Variants in UBXN2B observed in about 807,000 individuals in gnomAD.
UBXN2B encodes UBX domain protein 2B, also known as UBX domain-containing protein 2B.
UBXN2B carries 19 observed loss-of-function variants against 37.5 expected under a neutral mutation model. The ratio of observed to expected loss-of-function variants is 0.51; its 90% confidence interval spans 0.35 to 0.74. The LOEUF (loss-of-function observed/expected upper bound fraction) is 0.74. Among genes scored for constraint, UBXN2B ranks in the 30% least tolerant of loss-of-function variants. The probability of loss-of-function intolerance (pLI) is 0.01; values close to 1 mark genes in which losing one functional copy is unlikely to be tolerated. For missense variants in UBXN2B, 370 were observed against 393.2 expected, an observed-to-expected ratio of 0.94 and a Z score of 0.50; for synonymous variants, 145 against 143.8, an observed-to-expected ratio of 1.01 and a Z score of -0.06.
chr8:58,425,679 C>T (rs1012037558), intron 2 of UBXN2B: 101 of 1,176,156 alleles, frequency 8.6e-5, no homozygotes, highest in Non-Finnish European at 1.1e-4. Flanking sequence ...GCTTAGTTCT[C>T]GAATTCTGCT....
chr8:58,424,694 G>T lies in UBXN2B; in HGVS notation c.189-5825G>T, dbSNP rs560545823. ...TGGAGTTGGAGTACAAGGCGGGGGG[G>T]GGGGCTCTGATCTCCACTCGTCTGG... On this transcript the variant is annotated intron_variant, in intron 2 of 7. Coordinates refer to ENST00000399598, the MANE Select transcript of UBXN2B (RefSeq NM_001077619.2). 46 of 1,333,372 alleles carry T rather than the reference G, an allele frequency of 3.4e-5. 1 individual carries two copies. Among genetic ancestry groups the T allele is most frequent in the South Asian group, 1.6e-4 (14 of 85,282 alleles). The allele number at this position is 1,333,372 out of a possible 1,614,324, so 82.6% of individuals were successfully genotyped here.
intron 6 of UBXN2B, among the ~76,000 whole-genome samples, chr8:58,441,270 A>G (rs1006026433): frequency 2.0e-5 from 3 of 150,818 alleles, no homozygotes; most frequent in Admixed American, 2.0e-4. Flanking sequence ...CCTGGGTTAC[A>G]GGCATGAGCC....
At position 58,433,373 on chromosome 8, in the gene UBXN2B, C is replaced by G. The variant is rs887705987; in HGVS notation, c.423+130C>G. On this transcript the variant is annotated intron_variant, in intron 4 of 7. Coordinates refer to ENST00000399598, the MANE Select transcript of UBXN2B (RefSeq NM_001077619.2). ...TTTTTAAAACATGGGTTAAAAGGAC[C>G]AATGATGTGTGAGTTTTCAGTCTCG... is the stretch of plus-strand genomic sequence containing the variant. 8.9e-5 allele frequency: 58 copies of G among 652,132 alleles called. No individual in the cohort carries two copies. In the African/African-American group the frequency reaches 9.3e-4, roughly 10 times the overall value. 40.4% of individuals were successfully genotyped at this position (652,132 alleles called of 1,614,324 possible).
At position 58,433,175 on chromosome 8, in the gene UBXN2B, G is replaced by A. The variant is rs952060905; in HGVS notation, c.355G>A (p.Gly119Arg). The change falls in exon 4 of 8, where the codon GGA (glycine) becomes AGA (arginine). Residue 119 changes from glycine (G) to arginine (R), a missense_variant. By Grantham distance (125) the Gly-to-Arg change is moderately radical. Coordinates refer to ENST00000399598, the MANE Select transcript of UBXN2B (RefSeq NM_001077619.2). The part of the protein sequence containing the change: ...DDKSKSFTGG[G>R]YRLGSSFCKR... ...TGTATTTTAGTCATTTACAGGTGGA[G>A]GATACAGATTGGGTAGTTCTTTTTG... 4 of 1,612,250 alleles carry A rather than the reference G, an allele frequency of 2.5e-6. No homozygotes were observed. Among genetic ancestry groups the A allele is most frequent in the African/African-American group, 1.3e-5 (1 of 74,880 alleles).
At chr8:58,441,348 C>CATATATATACATATATATATATATATAT (rs1554553153) in intron 6 of UBXN2B, among the ~76,000 whole-genome samples, 7 of 104,658 alleles carry the variant, frequency 6.7e-5, no homozygotes, top group African/African-American at 2.0e-4. Context: ...TTGTGATCAA[C>CATATATATACATATATATATATATATAT]ATATATATAT....
intron 2 of UBXN2B, 23 bp from the exon 3 acceptor site, chr8:58,430,496 T>C: frequency 1.3e-6 from 2 of 1,481,672 alleles, no homozygotes; most frequent in African/African-American, 1.4e-5. Context: ...TAAGTTTTTA[T>C]TCATGAACTA....
At chr8:58,431,784 GTTTTA>G (rs1808282085) in intron 3 of UBXN2B, among the ~76,000 whole-genome samples, 1 of 152,064 alleles carries the variant, frequency 6.6e-6, no homozygotes, top group South Asian at 2.1e-4. Flanking sequence ...ACATGCCATG[GTTTTA>G]TTTTATTTGT....
At chr8:58,420,341 T>C (rs898230962) in intron 2 of UBXN2B, among the ~76,000 whole-genome samples, 1 of 152,162 alleles carries the variant, frequency 6.6e-6, no homozygotes, top group Non-Finnish European at 1.5e-5. Flanking sequence ...ATTCTTTTAA[T>C]GTCATTTTTT....
Position 58,426,553 on chromosome 8 carries a change from C to T in UBXN2B, c.189-3966C>T, listed in dbSNP as rs368304235. On this transcript the variant is annotated intron_variant, in intron 2 of 7. Transcript: ENST00000399598. ...TGGGTGACAGCTCCATTTCTTCTAACAAAAAGTGTGAAGTCTCCAGGGTTA... is the reference window on the plus strand; with the variant it reads ...TGGGTGACAGCTCCATTTCTTCTAATAAAAAGTGTGAAGTCTCCAGGGTTA... 48 of 750,730 alleles carry T rather than the reference C, an allele frequency of 6.4e-5. 1 individual carries two copies. The highest frequency in any genetic ancestry group is 3.4e-4 in the South Asian group (25 of 74,372). The allele number at this position is 750,730 out of a possible 1,614,324, so 46.5% of individuals were successfully genotyped here. A position where few individuals can be genotyped will look rare whatever the true frequency, so the allele number is the denominator to read the frequency against.
At chr8:58,418,650 T>C (rs1353570902) in intron 2 of UBXN2B, among the ~76,000 whole-genome samples, 5 of 152,242 alleles carry the variant, frequency 3.3e-5, no homozygotes, top group East Asian at 1.9e-4. Flanking sequence ...ATTAGTGATA[T>C]GTTCATTTGG....
intron 2 of UBXN2B, among the ~76,000 whole-genome samples, chr8:58,427,809 CT>C (rs753078554): frequency 6.6e-6 from 1 of 152,132 alleles, no homozygotes; most frequent in Non-Finnish European, 1.5e-5. Context: ...AAGAGGTTAT[CT>C]TTGGCAGTGG....
intron 6 of UBXN2B, among the ~76,000 whole-genome samples, chr8:58,441,998 C>G (rs1419584559): frequency 6.6e-6 from 1 of 152,226 alleles, no homozygotes; most frequent in East Asian, 1.9e-4. Context: ...AACTATGTCC[C>G]CTAGTCAGGT....
intron 2 of UBXN2B, chr8:58,425,236 T>G (rs1359956718): frequency 9.2e-7 from 1 of 1,087,372 alleles, no homozygotes; most frequent in Admixed American, 1.7e-5. Flanking sequence ...GATGCCATAT[T>G]CTTTTAGAGC....
intron 1 of UBXN2B, among the ~76,000 whole-genome samples, chr8:58,412,190 CAGTA>C (rs1807656518): frequency 6.6e-6 from 1 of 152,170 alleles, no homozygotes; most frequent in African/African-American, 2.4e-5. Context: ...AAGTAAATAT[CAGTA>C]AGGAGATACT....
At position 58,450,088 on chromosome 8, in the gene UBXN2B, A is replaced by G. The variant is rs1808770398; in HGVS notation, c.*2537A>G. 1 of 152,188 alleles carries G rather than the reference A, an allele frequency of 6.6e-6. No individual in the cohort carries two copies. The highest frequency in any genetic ancestry group is 1.5e-5 in the Non-Finnish European group (1 of 68,032). The allele number at this position is 152,188 out of a possible 1,614,324, so 9.4% of individuals were successfully genotyped here. Reference sequence around the variant, plus strand: ...TATTCAGACCTTTTGATGTTTCTGAAGTATTAGCAAAAGGTTATACAGCCA... The same window carrying G: ...TATTCAGACCTTTTGATGTTTCTGAGGTATTAGCAAAAGGTTATACAGCCA... On this transcript the variant is annotated 3_prime_UTR_variant, in exon 8 of 8. Transcript: ENST00000399598.
At chr8:58,416,024 G>T (rs1225951628) in intron 1 of UBXN2B, among the ~76,000 whole-genome samples, 1 of 150,172 alleles carries the variant, frequency 6.7e-6, no homozygotes, top group Non-Finnish European at 1.5e-5. Context: ...TATGATTTTG[G>T]GTTTTTTTGT....
chr8:58,432,891 T>C (rs534898862), intron 3 of UBXN2B, among the ~76,000 whole-genome samples: 1 of 151,652 alleles, frequency 6.6e-6, no homozygotes, highest in African/African-American at 2.4e-5. Context: ...AAACGTGTCT[T>C]TTTAAAAAAG....
intron 2 of UBXN2B, among the ~76,000 whole-genome samples, chr8:58,430,130 T>C (rs1200935032): frequency 6.6e-6 from 1 of 152,236 alleles, no homozygotes; most frequent in Non-Finnish European, 1.5e-5. Context: ...ACTAGGTCTC[T>C]ACTGAGTGTG....
intron 3 of UBXN2B, among the ~76,000 whole-genome samples, chr8:58,430,974 C>G (rs186279841): frequency 6.6e-6 from 1 of 152,160 alleles, no homozygotes; most frequent in Non-Finnish European, 1.5e-5. Context: ...ATGGTTCCCC[C>G]CAATGGTTAC....
Sources: gnomAD v4.1 joint callset for allele counts (sites outside exome capture counted in the v4.1 genomes callset) on GRCh38, gnomAD v4.1.1 for gene constraint, MANE v1.5 for transcripts, NCBI Gene and HGNC (gene_info 2026-07-23, HGNC 2026-07-21) for gene names.